Variants in TAF1B observed in about 807,000 individuals in gnomAD.
TAF1B encodes TATA-box binding protein associated factor, RNA polymerase I subunit B, also known as TATA box-binding protein-associated factor RNA polymerase I subunit B.
A neutral mutation model predicts 83.9 loss-of-function variants in TAF1B; 61 were observed. The observed-to-expected ratio is 0.73, with a 90% CI of 0.59 to 0.90. The LOEUF is 0.90. Among genes scored for constraint, TAF1B ranks in the 40% least tolerant of loss-of-function variants. The pLI, the probability that TAF1B is intolerant of heterozygous loss-of-function variation, is 0.00. For missense variants in TAF1B, 625 were observed against 677.0 expected, an observed-to-expected ratio of 0.92 and a Z score of 0.85; for synonymous variants, 221 against 224.6, an observed-to-expected ratio of 0.98 and a Z score of 0.14.
Position 9,898,133 on chromosome 2 carries a change from G to A in TAF1B, c.808-6726G>A, listed in dbSNP as rs182774044. ...ATTTTATTTTTTGTTTCCTACAACC[G>A]GCATATTCTGTTTTCTGGGGATCCA... On this transcript the variant is annotated intron_variant, in intron 8 of 14. Transcript: ENST00000263663. 3.2e-3 allele frequency among the ~76,000 whole-genome samples: 480 copies of A among 152,154 alleles called. 1 individual carries two copies. Among genetic ancestry groups the A allele is most frequent in the Non-Finnish European group, 5.1e-3 (348 of 67,996 alleles).
At chr2:9,899,847 T>C (rs1572264442) in intron 8 of TAF1B, among the ~76,000 whole-genome samples, 1 of 152,222 alleles carries the variant, frequency 6.6e-6, no homozygotes, top group Non-Finnish European at 1.5e-5. Context: ...GATTGAAGCA[T>C]GTATACAAAT....
chr2:9,919,541 T>G (rs1201856427), intron 13 of TAF1B, 57 bp from the exon 14 acceptor site: 20 of 1,478,038 alleles, frequency 1.4e-5, no homozygotes, highest in Non-Finnish European at 1.8e-5. Context: ...AATTCCAGGC[T>G]TTATTTGTGA....
intron 1 of TAF1B, 64 bp from the exon 2 acceptor site, chr2:9,845,156 G>C: frequency 3.2e-6 from 4 of 1,240,664 alleles, no homozygotes; most frequent in South Asian, 1.2e-5. Flanking sequence ...GAACTGCAAG[G>C]TTTAGGTACG....
At chr2:9,891,984 G>A (rs908042003) in intron 8 of TAF1B, among the ~76,000 whole-genome samples, 2 of 152,176 alleles carry the variant, frequency 1.3e-5, no homozygotes, top group African/African-American at 2.4e-5. Flanking sequence ...TAAGTGTACA[G>A]CATTTATGTA....
intron 5 of TAF1B, among the ~76,000 whole-genome samples, chr2:9,861,426 A>G (rs1572222666): frequency 1.3e-5 from 2 of 152,260 alleles, no homozygotes; most frequent in Admixed American, 1.3e-4. Flanking sequence ...CCGAGGCTTG[A>G]GTAGGTAAAC....
intron 8 of TAF1B, among the ~76,000 whole-genome samples, chr2:9,887,674 T>C (rs939570325): frequency 1.3e-5 from 2 of 152,176 alleles, no homozygotes; most frequent in South Asian, 4.1e-4. Context: ...TTTTTAAACA[T>C]CTAATTGATA....
intron 14 of TAF1B, among the ~76,000 whole-genome samples, chr2:9,932,678 T>C (rs891465729): frequency 5.3e-5 from 8 of 152,178 alleles, no homozygotes; most frequent in Non-Finnish European, 1.0e-4. Context: ...TCAAACACCA[T>C]GCTGTGAGAA....
chr2:9,919,197 A>T lies in TAF1B; in HGVS notation c.1342+86A>T. Reference sequence around the variant, plus strand: ...TCTGGACTTGAAATGTTGAATGCTTAAGTTTTTTACTTTTTTTAAACAAAT... The same window carrying T: ...TCTGGACTTGAAATGTTGAATGCTTTAGTTTTTTACTTTTTTTAAACAAAT... On this transcript the variant is annotated intron_variant, in intron 13 of 14. Transcript: ENST00000263663. 12 of 1,187,940 alleles carry T rather than the reference A, an allele frequency of 1.0e-5. No individual in the cohort carries two copies. The South Asian group carries it at 1.5e-4, about 15-fold the overall frequency. 73.6% of individuals were successfully genotyped at this position (1,187,940 alleles called of 1,614,324 possible). A position where few individuals can be genotyped will look rare whatever the true frequency, so the allele number is the denominator to read the frequency against.
chr2:9,886,870 T>C (rs574664715), intron 8 of TAF1B, among the ~76,000 whole-genome samples: 1 of 152,202 alleles, frequency 6.6e-6, no homozygotes, highest in South Asian at 2.1e-4. Context: ...ATTGAGACCA[T>C]CCTTGCCAAT....
chr2:9,855,614 G>C (rs1430214170), intron 5 of TAF1B, among the ~76,000 whole-genome samples: 1 of 152,074 alleles, frequency 6.6e-6, no homozygotes, highest in Admixed American at 6.5e-5. Context: ...AGCTTAGGAG[G>C]TTGAGGCTGC....
chr2:9,857,623 A>C (rs999737727), intron 5 of TAF1B, among the ~76,000 whole-genome samples: 3 of 152,166 alleles, frequency 2.0e-5, no homozygotes, highest in African/African-American at 7.2e-5. Flanking sequence ...TCTAAACAAA[A>C]GAAGTTTAAT....
At chr2:9,885,219 G>A (rs1347992052) in intron 8 of TAF1B, among the ~76,000 whole-genome samples, 1 of 152,334 alleles carries the variant, frequency 6.6e-6, no homozygotes, top group Non-Finnish European at 1.5e-5. Flanking sequence ...TGACCTTGGC[G>A]AGGCATTCTG....
chr2:9,911,575 C>T lies in TAF1B; in HGVS notation c.1180+18C>T, dbSNP rs2125173108. 1 of 1,475,814 alleles carries T rather than the reference C, an allele frequency of 6.8e-7. No homozygotes were observed. The highest frequency in any genetic ancestry group is 9.1e-7 in the Non-Finnish European group (1 of 1,096,538). 91.4% of individuals were successfully genotyped at this position (1,475,814 alleles called of 1,614,324 possible). A position where few individuals can be genotyped will look rare whatever the true frequency, so the allele number is the denominator to read the frequency against. On this transcript the variant is annotated intron_variant, in intron 11 of 14. Coordinates refer to ENST00000263663, the MANE Select transcript of TAF1B (RefSeq NM_005680.3). ...CAAAAAAGGTATTTTAATTTTTTAT[C>T]ATTCAAATTCAAAGTGGTTATAGAT...
chr2:9,874,748 G>T (rs1010092680), intron 6 of TAF1B, among the ~76,000 whole-genome samples: 1 of 152,150 alleles, frequency 6.6e-6, no homozygotes, highest in African/African-American at 2.4e-5. Flanking sequence ...AATGTCATAT[G>T]GTAGAGGATA....
chr2:9,866,649 C>T (rs1170336099), intron 5 of TAF1B, among the ~76,000 whole-genome samples: 19 of 152,216 alleles, frequency 1.2e-4, no homozygotes, highest in Non-Finnish European at 1.8e-4. Context: ...ATGGTTATTG[C>T]GGCACTATTC....
At chr2:9,908,569 C>G (rs1483656181) in intron 9 of TAF1B, among the ~76,000 whole-genome samples, 3 of 152,150 alleles carry the variant, frequency 2.0e-5, no homozygotes, top group Non-Finnish European at 2.9e-5. Context: ...ATTCATTTCT[C>G]TAATTTCCTC....
chr2:9,918,903 C>A, intron 12 of TAF1B, 138 bp from the exon 13 acceptor site: 1 of 722,550 alleles, frequency 1.4e-6, no homozygotes, highest in East Asian at 2.5e-5. Context: ...GTTCAATAGG[C>A]AATATAGACA....
At chr2:9,910,282 G>A (rs1665481841) in intron 9 of TAF1B, among the ~76,000 whole-genome samples, 1 of 152,206 alleles carries the variant, frequency 6.6e-6, no homozygotes, top group African/African-American at 2.4e-5. Flanking sequence ...TGTAGTCTAT[G>A]CTGAACATAT....
rs760731771 is a variant in TAF1B at position 9,919,874 on chromosome 2, G to A, written c.1565+54G>A. 1.4e-5 allele frequency: 21 copies of A among 1,509,518 alleles called. No individual in the cohort carries two copies. The South Asian group carries it at 2.5e-4, about 18-fold the overall frequency. The allele number at this position is 1,509,518 out of a possible 1,614,324, so 93.5% of individuals were successfully genotyped here. On this transcript the variant is annotated intron_variant, in intron 14 of 14. Transcript: ENST00000263663. ...ATAATTGAAGTAGTTGACTGTATAAGAGCCAGATAGGTTTTTTGTTGGAAT... is the reference window on the plus strand; with the variant it reads ...ATAATTGAAGTAGTTGACTGTATAAAAGCCAGATAGGTTTTTTGTTGGAAT...
Sources: gnomAD v4.1 joint callset for allele counts (sites outside exome capture counted in the v4.1 genomes callset) on GRCh38, gnomAD v4.1.1 for gene constraint, MANE v1.5 for transcripts, NCBI Gene and HGNC (gene_info 2026-07-23, HGNC 2026-07-21) for gene names.